MAMDC2: variants seen among roughly 807,000 people sequenced by gnomAD.
MAMDC2 encodes MAM domain-containing protein 2.
A neutral mutation model predicts 89.8 loss-of-function variants in MAMDC2; 57 were observed. The observed-to-expected ratio is 0.63, with a 90% CI of 0.51 to 0.79. MAMDC2 has a LOEUF of 0.79. Ranked by LOEUF, MAMDC2 falls within the 30% of genes least tolerant of loss-of-function variation. The pLI, the probability that MAMDC2 is intolerant of heterozygous loss-of-function variation, is 0.00. For synonymous variants in MAMDC2, 313 were observed against 293.4 expected, an observed-to-expected ratio of 1.07 and a Z score of -0.68; for missense variants, 800 against 820.6, an observed-to-expected ratio of 0.97 and a Z score of 0.31.
In MAMDC2 at chr9:70,226,652, A is replaced by C. The variant is rs1457684122; in HGVS notation, c.*620A>C. On this transcript the variant is annotated 3_prime_UTR_variant, in exon 14 of 14. Transcript: ENST00000377182. ...TCAGTATTAATTAATGCTGTATTAC[A>C]AGGCAATGCTACCTTCTTTATTCCC... 1 of 152,656 alleles carries C rather than the reference A, an allele frequency of 6.6e-6. No individual in the cohort carries two copies. Among genetic ancestry groups the C allele is most frequent in the African/African-American group, 2.4e-5 (1 of 41,580 alleles). The allele number at this position is 152,656 out of a possible 1,614,324, so 9.5% of individuals were successfully genotyped here.
intron 10 of MAMDC2, among the ~76,000 whole-genome samples, chr9:70,169,151 G>A (rs1327726810): frequency 6.6e-6 from 1 of 152,090 alleles, no homozygotes; most frequent in Non-Finnish European, 1.5e-5. Flanking sequence ...CATGAATGCA[G>A]ATTTTCAAGC....
At chr9:70,105,620 T>C (rs1295071051) in intron 2 of MAMDC2, among the ~76,000 whole-genome samples, 2 of 152,222 alleles carry the variant, frequency 1.3e-5, no homozygotes, top group African/African-American at 2.4e-5. Context: ...CCCACATTTA[T>C]GGCTAAGATG....
chr9:70,164,109 T>G (rs1390627240), intron 9 of MAMDC2, among the ~76,000 whole-genome samples: 1 of 152,172 alleles, frequency 6.6e-6, no homozygotes, highest in Non-Finnish European at 1.5e-5. Flanking sequence ...CAGTGGACAT[T>G]TGGCAATGTC....
chr9:70,200,711 A>C (rs1172503160), intron 11 of MAMDC2, among the ~76,000 whole-genome samples: 1 of 142,118 alleles, frequency 7.0e-6, no homozygotes, highest in East Asian at 2.2e-4. Flanking sequence ...ATTTGTTTGT[A>C]TCCTCTTTTA....
intron 3 of MAMDC2, 90 bp from the exon 4 acceptor site, chr9:70,109,630 G>A: frequency 9.3e-7 from 1 of 1,073,932 alleles, no homozygotes; most frequent in Admixed American, 1.9e-5. Context: ...TTAAGTGGCT[G>A]AACAGCTCCA....
chr9:70,214,046 C>T (rs910699300), intron 11 of MAMDC2, among the ~76,000 whole-genome samples: 1 of 152,052 alleles, frequency 6.6e-6, no homozygotes, highest in African/African-American at 2.4e-5. Flanking sequence ...ATGTTCCAAG[C>T]ACTGTTCTAG....
intron 7 of MAMDC2, among the ~76,000 whole-genome samples, chr9:70,135,567 T>A (rs938014344): frequency 3.9e-5 from 6 of 152,204 alleles, no homozygotes; most frequent in African/African-American, 1.4e-4. Context: ...AGAAAAATAT[T>A]TTCTGTATGA....
chr9:70,186,069 T>C (rs534038860), intron 11 of MAMDC2, among the ~76,000 whole-genome samples: 1 of 152,302 alleles, frequency 6.6e-6, no homozygotes, highest in East Asian at 1.9e-4. Context: ...AAGTTGTTTT[T>C]TTTTCTTTAG....
chr9:70,093,875 CT>C (rs1827965905), intron 2 of MAMDC2: 1 of 152,142 alleles, frequency 6.6e-6, no homozygotes, highest in Admixed American at 6.5e-5. Flanking sequence ...TATTTTCATC[CT>C]TTGTTAAATA....
intron 2 of MAMDC2, among the ~76,000 whole-genome samples, chr9:70,054,583 T>A (rs1476753517): frequency 6.6e-6 from 1 of 152,156 alleles, no homozygotes; most frequent in East Asian, 1.9e-4. Context: ...AGTTTTATTT[T>A]TTTTTTCGTT....
intron 7 of MAMDC2, among the ~76,000 whole-genome samples, chr9:70,139,452 A>C (rs550119238): frequency 4.6e-4 from 70 of 151,500 alleles, no homozygotes; most frequent in African/African-American, 1.6e-3. Context: ...ACATGAACTC[A>C]TCATTTTTTA....
In MAMDC2 at chr9:70,058,390, C is replaced by T. The variant is rs113511429; in HGVS notation, c.148+13693C>T. Among the ~76,000 whole-genome samples, 311 of 152,300 alleles carry T rather than the reference C, an allele frequency of 2.0e-3. 3 individuals are homozygous for T. Among genetic ancestry groups the T allele is most frequent in the African/African-American group, 7.1e-3 (294 of 41,562 alleles). Reference sequence around the variant, plus strand: ...TTTGTCACCTCTCTGTTTACATCCTCTCTTGACATGGGGTCTCAAAGGGTC... The same window carrying T: ...TTTGTCACCTCTCTGTTTACATCCTTTCTTGACATGGGGTCTCAAAGGGTC... On this transcript the variant is annotated intron_variant, in intron 2 of 13. Transcript: ENST00000377182.
intron 2 of MAMDC2, among the ~76,000 whole-genome samples, chr9:70,094,975 C>T (rs1166490946): frequency 5.3e-5 from 8 of 152,032 alleles, no homozygotes; most frequent in Admixed American, 4.6e-4. Context: ...ATATGTTAGG[C>T]TAAGACCATA....
At chr9:70,120,667 C>A (rs2030244284) in intron 5 of MAMDC2, among the ~76,000 whole-genome samples, 1 of 152,178 alleles carries the variant, frequency 6.6e-6, no homozygotes, top group Non-Finnish European at 1.5e-5. Flanking sequence ...AGTCTAGCAC[C>A]ACTCTTTAGA....
At chr9:70,051,888 G>GAGATAGATAGATAGAT (rs71364576) in intron 2 of MAMDC2, among the ~76,000 whole-genome samples, 26 of 148,912 alleles carry the variant, frequency 1.7e-4, no homozygotes, top group Non-Finnish European at 4.5e-5. Context: ...TAGATAGATA[G>GAGATAGATAGATAGAT]AGATAGATAG....
intron 12 of MAMDC2, among the ~76,000 whole-genome samples, chr9:70,221,788 A>G (rs1365063115): frequency 6.6e-6 from 1 of 152,096 alleles, no homozygotes; most frequent in East Asian, 1.9e-4. Flanking sequence ...TCAATTAAAA[A>G]TAATATTAAG....
chr9:70,134,280 A>G (rs1378626926), intron 7 of MAMDC2, among the ~76,000 whole-genome samples: 1 of 151,340 alleles, frequency 6.6e-6, no homozygotes, highest in Non-Finnish European at 1.5e-5. Flanking sequence ...TGGCCCTCCA[A>G]TGAACTGCCC....
intron 2 of MAMDC2, among the ~76,000 whole-genome samples, chr9:70,097,558 A>G (rs1411661263): frequency 6.6e-6 from 1 of 152,028 alleles, no homozygotes; most frequent in Non-Finnish European, 1.5e-5. Context: ...GCAAACCTAT[A>G]TTTCCCCAGT....
At chr9:70,122,235 C>A (rs1314826749) in intron 5 of MAMDC2, among the ~76,000 whole-genome samples, 1 of 152,218 alleles carries the variant, frequency 6.6e-6, no homozygotes, top group African/African-American at 2.4e-5. Flanking sequence ...TTATTCCCAG[C>A]AGCCTCTCTG....
Sources: gnomAD v4.1 joint callset for allele counts (sites outside exome capture counted in the v4.1 genomes callset) on GRCh38, gnomAD v4.1.1 for gene constraint, MANE v1.5 for transcripts, NCBI Gene and HGNC (gene_info 2026-07-23, HGNC 2026-07-21) for gene names.